Variants in SCNN1B observed in about 807,000 individuals in gnomAD.
SCNN1B encodes the protein epithelial sodium channel subunit beta.
SCNN1B carries 46 observed loss-of-function variants against 65.3 expected under a neutral mutation model. The observed-to-expected ratio is 0.70, with a 90% CI of 0.56 to 0.90. SCNN1B has a LOEUF of 0.90. Among genes scored for constraint, SCNN1B ranks in the 40% least tolerant of loss-of-function variants. SCNN1B has a pLI of 0.00. For missense variants in SCNN1B, 751 were observed against 830.5 expected (o/e 0.90, Z 1.18); for synonymous variants, 349 against 330.6 (o/e 1.06, Z -0.60).
At chr16:23,343,623 G>GAAAGA (rs1962118869) in intron 1 of SCNN1B, among the ~76,000 whole-genome samples, 1 of 110,880 alleles carries the variant, frequency 9.0e-6, no homozygotes, top group Non-Finnish European at 1.9e-5. Flanking sequence ...AAGAAAGAAA[G>GAAAGA]AAAGAAAGAA....
In SCNN1B at chr16:23,314,690, G is replaced by C. The variant is rs144789874; in HGVS notation, c.-9+12253G>C. On this transcript the variant is annotated intron_variant, in intron 1 of 12. Transcript: ENST00000343070. ...CACCCACAGCCAAGTGTAAGGTTTC[G>C]GCTTTTCACAATGCCAGGAACCACC... Among the ~76,000 whole-genome samples the C allele has an allele frequency of 5.6e-4, 86 of 152,304 alleles. 1 individual carries two copies. In the East Asian group the frequency reaches 9.9e-3, roughly 17 times the overall value.
At chr16:23,336,364 C>A (rs1961939163) in intron 1 of SCNN1B, among the ~76,000 whole-genome samples, 1 of 148,042 alleles carries the variant, frequency 6.8e-6, no homozygotes, top group South Asian at 2.2e-4. Context: ...GGGTGGTAAG[C>A]AAGACGATTT....
Position 23,348,668 on chromosome 16 carries a change from G to A in SCNN1B, c.69G>A (p.Lys23=). The change falls in exon 2 of 13, where the codon AAG becomes AAA. Residue 23 remains lysine, a synonymous_variant. Coordinates refer to ENST00000343070, the MANE Select transcript of SCNN1B (RefSeq NM_000336.3). This position sits in a 1 kb window ranked among gnomAD's most constrained non-coding sequence, Gnocchi z 4.5. ...AGAAGGGCCCCGGCTACACGTACAA[G>A]GAGCTGCTGGTGTGGTACTGCGACA... ...RLQKGPGYTY[K]ELLVWYCDNT... 5.6e-6 allele frequency: 9 copies of A among 1,613,914 alleles called. No homozygotes were observed. Among genetic ancestry groups the A allele is most frequent in the Non-Finnish European group, 7.6e-6 (9 of 1,180,006 alleles).
rs144321199 is a variant in SCNN1B, at chr16:23,284,841, T to G, written n.178+1037T>G. On this transcript the variant is annotated intron_variant and non_coding_transcript_variant, in intron 2 of 3. Transcript: ENST00000569789. ...ACTTCTCAGGAGAAATAGAAAATCC[T>G]GATTTTCAAGTTCGATCTGCTACTT... 6.5e-3 allele frequency among the ~76,000 whole-genome samples: 989 copies of G among 152,328 alleles called. 25 individuals carry two copies. The highest frequency in any genetic ancestry group is 0.064 in the East Asian group (331 of 5,182).
chr16:23,322,077 G>A (rs1019590752), intron 1 of SCNN1B, among the ~76,000 whole-genome samples: 1 of 152,032 alleles, frequency 6.6e-6, no homozygotes, highest in Non-Finnish European at 1.5e-5. Flanking sequence ...AAACTGCCCC[G>A]ACACAAACTC....
upstream of SCNN1B, among the ~76,000 whole-genome samples, chr16:23,299,938 A>T (rs1961050229): frequency 6.6e-6 from 1 of 152,192 alleles, no homozygotes; most frequent in African/African-American, 2.4e-5. Context: ...CTTGGAACCA[A>T]CCCAAATGCC....
intron 7 of SCNN1B, among the ~76,000 whole-genome samples, chr16:23,375,495 G>C (rs933080480): frequency 1.3e-5 from 2 of 152,318 alleles, no homozygotes; most frequent in South Asian, 4.1e-4. Flanking sequence ...GGATACTGCG[G>C]TCTGGCCTGG....
chr16:23,344,637 A>G (rs1449425852), intron 1 of SCNN1B, among the ~76,000 whole-genome samples: 1 of 152,170 alleles, frequency 6.6e-6, no homozygotes, highest in Admixed American at 6.5e-5. Context: ...GGGTTACTCT[A>G]TGAACATCCT....
Position 23,378,737 on chromosome 16 carries a change from G to T in SCNN1B, c.1436G>T (p.Arg479Leu). 1 of 1,614,104 alleles carries T rather than the reference G, an allele frequency of 6.2e-7. No homozygotes were observed. Among genetic ancestry groups the T allele is most frequent in the Non-Finnish European group, 8.5e-7 (1 of 1,180,016 alleles). Residue 479 changes from arginine (R) to leucine (L), a missense_variant, in exon 11 of 13, where the codon CGG becomes CTG. Physicochemically the swap from Arg to Leu is moderately radical, Grantham distance 102. Transcript: ENST00000343070. ...DWIFHVLSQERDQSTNITLSR... is the reference protein window; with the variant it reads ...DWIFHVLSQELDQSTNITLSR... ...ATTTTCCACGTCTTGTCTCAGGAGC[G>T]GGACCAAAGCACCAATATCACCCTG... is the stretch of plus-strand genomic sequence containing the variant.
chr16:23,348,717 C>T lies in SCNN1B; in HGVS notation c.118C>T (p.Arg40Cys), dbSNP rs754549610. The change falls in exon 2 of 13, where the codon CGC becomes TGC. Residue 40 changes from arginine (R) to cysteine (C), a missense_variant. Arg to Cys is a radical substitution (Grantham distance 180). Transcript: ENST00000343070. The surrounding 1 kb of genome is among the most constrained non-coding windows in gnomAD (Gnocchi z 4.5). ...CAACACCAACACCCACGGCCCCAAG[C>T]GCATCATCTGTGAGGGGCCCAAGAA... The part of the protein sequence containing the change: ...CDNTNTHGPK[R>C]IICEGPKKKA... The T allele has an allele frequency of 1.9e-6, 3 of 1,614,020 alleles. No individual in the cohort carries two copies. Among genetic ancestry groups the T allele is most frequent in the Admixed American group, 1.7e-5 (1 of 60,004 alleles).
At chr16:23,290,904 A>C (rs985853936) in intron 2 of SCNN1B, among the ~76,000 whole-genome samples, 2 of 152,182 alleles carry the variant, frequency 1.3e-5, no homozygotes, top group African/African-American at 4.8e-5. Context: ...TGTCTGAAAG[A>C]CTTGGTCATA....
chr16:23,293,487 T>C (rs1299118074), intron 2 of SCNN1B, among the ~76,000 whole-genome samples: 3 of 152,078 alleles, frequency 2.0e-5, no homozygotes, highest in Non-Finnish European at 4.4e-5. Context: ...AGACAGGAAG[T>C]AGAATGGCTG....
intron 4 of SCNN1B, among the ~76,000 whole-genome samples, chr16:23,364,576 G>A (rs1252061676): frequency 6.6e-6 from 1 of 152,202 alleles, no homozygotes; most frequent in Non-Finnish European, 1.5e-5. Context: ...TGACTGCTGT[G>A]CAGAAGGAAG....
intron 2 of SCNN1B, among the ~76,000 whole-genome samples, chr16:23,286,053 GAA>G (rs1340731984): frequency 6.6e-6 from 1 of 152,022 alleles, no homozygotes; most frequent in Non-Finnish European, 1.5e-5. Context: ...TTTTAAAAGA[GAA>G]AGAGAAAACA....
At chr16:23,367,590 G>A (rs573855112) in intron 4 of SCNN1B, among the ~76,000 whole-genome samples, 9 of 152,290 alleles carry the variant, frequency 5.9e-5, no homozygotes, top group Admixed American at 1.3e-4. Flanking sequence ...GAGCCACCAC[G>A]CCCGGCCAGA....
chr16:23,359,210 G>A (rs74012890), intron 4 of SCNN1B: 9,482 of 152,162 alleles, frequency 0.062, 508 homozygotes, highest in African/African-American at 0.14. Context: ...ATGAGCCACC[G>A]CGCCCAGCCT....
intron 5 of SCNN1B, among the ~76,000 whole-genome samples, chr16:23,370,819 T>C (rs1962766095): frequency 6.6e-6 from 1 of 151,830 alleles, no homozygotes; most frequent in Non-Finnish European, 1.5e-5. Context: ...GCATTCCAGG[T>C]GAGAGAACAG....
At chr16:23,358,878 G>A (rs141476271) in intron 4 of SCNN1B, among the ~76,000 whole-genome samples, 67 of 152,348 alleles carry the variant, frequency 4.4e-4, no homozygotes, top group Admixed American at 6.5e-4. Context: ...CTGCACTCCC[G>A]CCTGGGCGAC....
chr16:23,329,485 T>G (rs1275914607), intron 1 of SCNN1B, among the ~76,000 whole-genome samples: 3 of 152,206 alleles, frequency 2.0e-5, no homozygotes, highest in Admixed American at 6.5e-5. Context: ...CCTAATGAAG[T>G]GAACCACAGC....
Sources: allele counts gnomAD v4.1 joint callset (sites outside exome capture counted in the v4.1 genomes callset), GRCh38; gene constraint gnomAD v4.1.1; non-coding constraint Gnocchi (gnomAD v3.1); transcripts MANE v1.5; gene names NCBI Gene and HGNC (gene_info 2026-07-23, HGNC 2026-07-21).